VPS13B: variants seen among roughly 807,000 people sequenced by gnomAD.
VPS13B encodes intermembrane lipid transfer protein VPS13B.
VPS13B carries 285 observed loss-of-function variants against 426.4 expected under a neutral mutation model. The ratio of observed to expected loss-of-function variants is 0.67; its 90% CI spans 0.61 to 0.74. VPS13B has a LOEUF of 0.74. Ranked by LOEUF, VPS13B falls within the 30% of genes least tolerant of loss-of-function variation. The pLI is 0.00. For synonymous variants in VPS13B, 1,676 were observed against 1,676.4 expected (o/e 1.00, Z 0.01); for missense variants, 4,537 against 4,782.6 (o/e 0.95, Z 1.51).
chr8:99,575,757 A>G lies in VPS13B; in HGVS notation c.5049A>G (p.Val1683=), dbSNP rs773650501. The G allele has an allele frequency of 1.2e-6, 2 of 1,613,680 alleles. No individual in the cohort carries two copies. The highest frequency in any genetic ancestry group is 8.5e-7 in the Non-Finnish European group (1 of 1,179,858). Residue 1683 remains valine, a synonymous_variant, in exon 32 of 62, where the codon GTA becomes GTG. Coordinates refer to ENST00000357162, the MANE Select transcript of VPS13B (RefSeq NM_152564.5). ...TGAPAVIFTK[V]VSPENLHTEE... is the part of the protein sequence containing the mutation. ...CACCTGCTGTCATTTTCACCAAAGTAGTTTCTCCAGAAAATTTGCATACTG... is the reference window on the plus strand; with the variant it reads ...CACCTGCTGTCATTTTCACCAAAGTGGTTTCTCCAGAAAATTTGCATACTG...
At chr8:99,383,294 A>C (rs1364231493) in intron 19 of VPS13B, among the ~76,000 whole-genome samples, 1 of 152,102 alleles carries the variant, frequency 6.6e-6, no homozygotes. Flanking sequence ...TGTAATTTTT[A>C]ATGATTTTTT....
chr8:99,516,875 A>G (rs1822111125), intron 29 of VPS13B, among the ~76,000 whole-genome samples: 1 of 151,544 alleles, frequency 6.6e-6, no homozygotes, highest in Non-Finnish European at 1.5e-5. Context: ...GCTACATCAT[A>G]CTTTTCAGCA....
chr8:99,411,855 G>C (rs1486242356), intron 21 of VPS13B, among the ~76,000 whole-genome samples: 2 of 152,244 alleles, frequency 1.3e-5, no homozygotes, highest in South Asian at 4.1e-4. Flanking sequence ...GTTTGTCAAA[G>C]ATCAGATGGT....
chr8:99,026,711 C>T (rs1443975254), intron 2 of VPS13B, among the ~76,000 whole-genome samples: 3 of 152,064 alleles, frequency 2.0e-5, no homozygotes, highest in Non-Finnish European at 2.9e-5. Context: ...TTCTTTGTCT[C>T]CTTATATAGT....
At chr8:99,072,637 G>A (rs1163278994) in intron 3 of VPS13B, among the ~76,000 whole-genome samples, 3 of 151,686 alleles carry the variant, frequency 2.0e-5, no homozygotes, top group Non-Finnish European at 4.4e-5. Context: ...ATTGTTTGGG[G>A]TTTTGAGGTC....
intron 35 of VPS13B, among the ~76,000 whole-genome samples, chr8:99,670,734 T>A (rs1344166423): frequency 6.6e-6 from 1 of 152,086 alleles, no homozygotes; most frequent in Non-Finnish European, 1.5e-5. Flanking sequence ...ATCATGCAGT[T>A]TTTGTCTATT....
At chr8:99,479,015 A>G (rs139988123) in intron 24 of VPS13B, among the ~76,000 whole-genome samples, 1 of 151,972 alleles carries the variant, frequency 6.6e-6, no homozygotes, top group African/African-American at 2.4e-5. Flanking sequence ...TTGTATATCC[A>G]TGTTTTTTCT....
intron 30 of VPS13B, among the ~76,000 whole-genome samples, chr8:99,538,694 A>C (rs909560398): frequency 6.6e-6 from 1 of 152,218 alleles, no homozygotes; most frequent in Admixed American, 6.5e-5. Context: ...AAGGATCTTC[A>C]TGTGATAAAA....
At chr8:99,189,012 G>A (rs1416149139) in intron 16 of VPS13B, among the ~76,000 whole-genome samples, 1 of 152,138 alleles carries the variant, frequency 6.6e-6, no homozygotes, top group Admixed American at 6.5e-5. Flanking sequence ...CCATTCTCCT[G>A]CCTCAGCCTC....
rs553233087 is a variant in VPS13B, at chr8:99,811,079, T to C, written c.8097+1549T>C. 4.1e-4 allele frequency among the ~76,000 whole-genome samples: 63 copies of C among 152,350 alleles called. 1 individual carries two copies. Among genetic ancestry groups the C allele is most frequent in the South Asian group, 1.7e-3 (8 of 4,832 alleles). On this transcript the variant is annotated intron_variant, in intron 44 of 61. Coordinates refer to ENST00000357162, the MANE Select transcript of VPS13B (RefSeq NM_152564.5). ...TTCTGATTCTGTCACTCATGGTCTT[T>C]CAAGAATGTCTTACCCACCTTCCCA... is the stretch of plus-strand genomic sequence containing the variant.
intron 3 of VPS13B, among the ~76,000 whole-genome samples, chr8:99,042,324 T>G (rs1033083902): frequency 7.9e-5 from 12 of 152,208 alleles, no homozygotes; most frequent in African/African-American, 2.9e-4. Flanking sequence ...TTTTATTTCT[T>G]TACTGTCATT....
intron 43 of VPS13B, among the ~76,000 whole-genome samples, chr8:99,791,270 T>C (rs1410759646): frequency 6.6e-6 from 1 of 152,146 alleles, no homozygotes; most frequent in African/African-American, 2.4e-5. Flanking sequence ...ACTTTCATGG[T>C]GTAAATACTC....
At chr8:99,657,873 T>G (rs1341699600) in intron 34 of VPS13B, among the ~76,000 whole-genome samples, 1 of 152,220 alleles carries the variant, frequency 6.6e-6, no homozygotes, top group Non-Finnish European at 1.5e-5. Flanking sequence ...GCTTCTCCTC[T>G]GCTCATGCAA....
intron 20 of VPS13B, among the ~76,000 whole-genome samples, chr8:99,386,154 A>G (rs1201469061): frequency 6.6e-6 from 1 of 152,202 alleles, no homozygotes; most frequent in Non-Finnish European, 1.5e-5. Context: ...TTCTCTAAGT[A>G]ATACAGTTAT....
intron 61 of VPS13B, among the ~76,000 whole-genome samples, chr8:99,872,785 T>C (rs1817492282): frequency 6.6e-6 from 1 of 152,174 alleles, no homozygotes; most frequent in South Asian, 2.1e-4. Context: ...TGATCCCTCC[T>C]TTCATTATTC....
chr8:99,724,180 C>G (rs1213026963), intron 39 of VPS13B, among the ~76,000 whole-genome samples: 1 of 152,208 alleles, frequency 6.6e-6, no homozygotes, highest in African/African-American at 2.4e-5. Flanking sequence ...CAACAGCTTT[C>G]TCCTTGAGGA....
intron 39 of VPS13B, among the ~76,000 whole-genome samples, chr8:99,741,307 C>G (rs1172973227): frequency 6.6e-6 from 1 of 152,168 alleles, no homozygotes; most frequent in African/African-American, 2.4e-5. Flanking sequence ...AATACAGGAG[C>G]ACCCAGATTC....
intron 19 of VPS13B, among the ~76,000 whole-genome samples, chr8:99,349,332 CAAAAAAA>C (rs35441676): frequency 0.016 from 773 of 47,770 alleles, 14 homozygotes; most frequent in African/African-American, 0.073. Flanking sequence ...GACTCCGTCT[CAAAAAAA>C]AAAAAAAAAA....
intron 41 of VPS13B, among the ~76,000 whole-genome samples, chr8:99,778,143 A>T (rs1173291164): frequency 1.3e-5 from 2 of 151,758 alleles, no homozygotes; most frequent in African/African-American, 4.8e-5. Flanking sequence ...AAAGCAGGAG[A>T]ATCGCTTGAA....
Sources: allele counts gnomAD v4.1 joint callset (sites outside exome capture counted in the v4.1 genomes callset), GRCh38; gene constraint gnomAD v4.1.1; transcripts MANE v1.5; gene names NCBI Gene and HGNC (gene_info 2026-07-23, HGNC 2026-07-21).